The following DCLK1 variants were observed in gnomAD, a reference collection of about 807,000 sequenced individuals.
The protein encoded by DCLK1 is doublecortin like kinase 1, also known as serine/threonine-protein kinase DCLK1.
A neutral mutation model predicts 86.2 loss-of-function variants in DCLK1; 16 were observed. The ratio of observed to expected loss-of-function variants is 0.19; its 90% confidence interval spans 0.13 to 0.28. The LOEUF (loss-of-function observed/expected upper bound fraction) is 0.28. DCLK1 is among the 10% of genes least tolerant of loss of function. DCLK1 has a pLI of 1.00. For missense variants in DCLK1, 590 were observed against 940.2 expected, an observed-to-expected ratio of 0.63 and a Z score of 4.87; for synonymous variants, 369 against 370.5, an observed-to-expected ratio of 1.00 and a Z score of 0.05.
intron 4 of DCLK1, among the ~76,000 whole-genome samples, chr13:35,894,946 C>G (rs1873864468): frequency 6.6e-6 from 1 of 152,158 alleles, no homozygotes; most frequent in Non-Finnish European, 1.5e-5. Context: ...CTTTGATGCA[C>G]ACTTTCCTTT....
At chr13:35,977,163 T>C (rs1053740350) in intron 3 of DCLK1, among the ~76,000 whole-genome samples, 4 of 152,186 alleles carry the variant, frequency 2.6e-5, no homozygotes, top group African/African-American at 9.7e-5. Flanking sequence ...AAATTCAAAT[T>C]TTATCAACTG....
chr13:36,125,642 AG>A (rs1886145074), intron 2 of DCLK1, 119 bp downstream of exon 2: 1 of 1,387,018 alleles, frequency 7.2e-7, no homozygotes, highest in Non-Finnish European at 9.6e-7. Flanking sequence ...TGAAACTATA[AG>A]GATCACAGCC....
chr13:35,782,771 T>C (rs1472284574), intron 16 of DCLK1, among the ~76,000 whole-genome samples: 1 of 152,260 alleles, frequency 6.6e-6, no homozygotes, highest in Non-Finnish European at 1.5e-5. Flanking sequence ...AATCCTGTTC[T>C]TGTGGAATTT....
At chr13:35,899,508 T>C (rs899834783) in intron 4 of DCLK1, among the ~76,000 whole-genome samples, 2 of 152,150 alleles carry the variant, frequency 1.3e-5, no homozygotes, top group Non-Finnish European at 2.9e-5. Flanking sequence ...AAAAGCCTTA[T>C]AAAAATGTGA....
intron 3 of DCLK1, among the ~76,000 whole-genome samples, chr13:36,090,986 T>G (rs1423324498): frequency 1.3e-5 from 2 of 152,220 alleles, no homozygotes; most frequent in East Asian, 3.8e-4. Context: ...CATAAACATC[T>G]TCTTTTGAGA....
chr13:35,943,711 G>T (rs1243550821), intron 4 of DCLK1, among the ~76,000 whole-genome samples: 1 of 152,122 alleles, frequency 6.6e-6, no homozygotes, highest in African/African-American at 2.4e-5. Flanking sequence ...TCCAGCATCA[G>T]GCTCATCCCC....
chr13:35,896,034 C>A (rs34308436), intron 4 of DCLK1, among the ~76,000 whole-genome samples: 1 of 151,870 alleles, frequency 6.6e-6, no homozygotes, highest in Non-Finnish European at 1.5e-5. Flanking sequence ...AAGTAAGGCG[C>A]TTTGTTTTGA....
chr13:35,975,901 A>G (rs1879305279), intron 3 of DCLK1, among the ~76,000 whole-genome samples: 1 of 152,122 alleles, frequency 6.6e-6, no homozygotes, highest in Non-Finnish European at 1.5e-5. Flanking sequence ...AACTTCCACA[A>G]TGCACTACCA....
intron 3 of DCLK1, among the ~76,000 whole-genome samples, chr13:36,035,306 T>C (rs1316245253): frequency 6.6e-6 from 1 of 152,210 alleles, no homozygotes; most frequent in Non-Finnish European, 1.5e-5. Context: ...AATCTTTTTA[T>C]GTCTGCCTTG....
chr13:35,924,959 T>C (rs1301890204), intron 4 of DCLK1, among the ~76,000 whole-genome samples: 3 of 152,188 alleles, frequency 2.0e-5, no homozygotes, highest in African/African-American at 7.2e-5. Context: ...ACAGAGACCA[T>C]ATGGCCCAAG....
At chr13:35,982,425 AGAGAGAGG>A (rs1566631669) in intron 3 of DCLK1, among the ~76,000 whole-genome samples, 5 of 39,460 alleles carry the variant, frequency 1.3e-4, no homozygotes, top group Admixed American at 2.6e-4. Flanking sequence ...AGAGAGAGAG[AGAGAGAGG>A]GGGAGGGAGG....
intron 4 of DCLK1, among the ~76,000 whole-genome samples, chr13:35,910,398 C>T (rs1180575668): frequency 6.6e-6 from 1 of 152,182 alleles, no homozygotes; most frequent in East Asian, 1.9e-4. Flanking sequence ...CCAGTACATC[C>T]AATCTTTTGT....
intron 3 of DCLK1, among the ~76,000 whole-genome samples, chr13:36,025,502 TAAAC>T (rs1881998018): frequency 1.3e-5 from 2 of 152,174 alleles, no homozygotes; most frequent in South Asian, 2.1e-4. Flanking sequence ...GATTAATTGA[TAAAC>T]AAAACGTGGT....
chr13:35,930,042 A>C (rs1876339722), intron 4 of DCLK1, among the ~76,000 whole-genome samples: 1 of 152,190 alleles, frequency 6.6e-6, no homozygotes, highest in South Asian at 2.1e-4. Flanking sequence ...CACATGTATC[A>C]AATTATTACC....
chr13:36,111,809 A>G, intron 3 of DCLK1, 60 bp downstream of exon 3: 1 of 1,492,420 alleles, frequency 6.7e-7, no homozygotes, highest in Non-Finnish European at 9.1e-7. Flanking sequence ...AGCCACGTAC[A>G]CCCTCCGACT....
Position 35,847,074 on chromosome 13 carries a change from T to C in DCLK1, c.1035+7425A>G, listed in dbSNP as rs1870232378. The C allele has an allele frequency of 5.1e-6, 5 of 984,638 alleles. No homozygotes were observed. The South Asian group carries it at 2.3e-4, about 46-fold the overall frequency. The allele number at this position is 984,638 out of a possible 1,614,324, so 61.0% of individuals were successfully genotyped here. ...ATTGGCAACCACTACAAGCCATCCATACACACACAATAGAAAAAAATCATA... is the reference window on the plus strand; with the variant it reads ...ATTGGCAACCACTACAAGCCATCCACACACACACAATAGAAAAAAATCATA... On this transcript the variant is annotated intron_variant, in intron 6 of 16. Transcript: ENST00000360631.
At chr13:35,943,072 A>C (rs1877173880) in intron 4 of DCLK1, among the ~76,000 whole-genome samples, 1 of 152,186 alleles carries the variant, frequency 6.6e-6, no homozygotes, top group Non-Finnish European at 1.5e-5. Context: ...TCTTATTTGG[A>C]GATAGAGTCT....
chr13:35,886,458 T>A (rs948456678), intron 4 of DCLK1, among the ~76,000 whole-genome samples: 1 of 152,188 alleles, frequency 6.6e-6, no homozygotes, highest in African/African-American at 2.4e-5. Context: ...TGCAGAAATA[T>A]CTACCCTAAA....
rs139408668 is a variant in DCLK1, at chr13:35,990,458, G to C, written c.724-43001C>G. Among the ~76,000 whole-genome samples the C allele has an allele frequency of 2.4e-3, 370 of 152,030 alleles. 3 individuals carry two copies. The highest frequency in any genetic ancestry group is 8.6e-3 in the African/African-American group (356 of 41,482). On this transcript the variant is annotated intron_variant, in intron 3 of 16. Coordinates refer to ENST00000360631, the MANE Select transcript of DCLK1 (RefSeq NM_001330071.2). ...TCTGATCTCTGCTTGAGTTCTCACT[G>C]TCTCTCTGTTCATCTTCAGTTACAA...
Sources: allele counts gnomAD v4.1 joint callset (sites outside exome capture counted in the v4.1 genomes callset), GRCh38; gene constraint gnomAD v4.1.1; transcripts MANE v1.5; gene names NCBI Gene and HGNC (gene_info 2026-07-23, HGNC 2026-07-21).